SPAG16: variants seen among roughly 807,000 people sequenced by gnomAD.
The protein encoded by SPAG16 is sperm associated antigen 16.
SPAG16 carries 86 observed loss-of-function variants against 80.4 expected under a neutral mutation model. The observed-to-expected ratio is 1.07, with a 90% CI of 0.90 to 1.28. SPAG16 has a LOEUF of 1.28. SPAG16 is among the 50% of genes most tolerant of loss of function. The pLI is 0.00. For missense variants in SPAG16, 870 were observed against 765.3 expected (o/e 1.14, Z -1.61); for synonymous variants, 294 against 265.9 (o/e 1.11, Z -1.03).
At chr2:213,850,176 G>A (rs1388860006) in intron 10 of SPAG16, among the ~76,000 whole-genome samples, 1 of 152,112 alleles carries the variant, frequency 6.6e-6, no homozygotes, top group Non-Finnish European at 1.5e-5. Context: ...TGTGTGTTTT[G>A]AAATGGTATT....
intron 10 of SPAG16, among the ~76,000 whole-genome samples, chr2:213,792,575 T>C (rs958161121): frequency 7.7e-6 from 1 of 130,522 alleles, no homozygotes; most frequent in Admixed American, 8.4e-5. Context: ...AAAATGAGTA[T>C]CTTTTTTTTT....
At position 213,910,679 on chromosome 2, in the gene SPAG16, A is replaced by G. The variant is rs1330708054; in HGVS notation, c.1215-19281A>G. 3.7e-5 allele frequency among the ~76,000 whole-genome samples: 2 copies of G among 53,864 alleles called. 1 individual carries two copies. The highest frequency in any genetic ancestry group is 8.4e-5 in the African/African-American group (2 of 23,868). 35.3% of individuals were successfully genotyped at this position (53,864 alleles called of 152,430 possible). A position where few individuals can be genotyped will look rare whatever the true frequency, so the allele number is the denominator to read the frequency against. ...AATTTTTTGTAGTTTTAGTAGAGACAGGGTTTCACCGTGTTAGCCAGAATG... is the reference window on the plus strand; with the variant it reads ...AATTTTTTGTAGTTTTAGTAGAGACGGGGTTTCACCGTGTTAGCCAGAATG... On this transcript the variant is annotated intron_variant, in intron 11 of 15. Transcript: ENST00000331683.
At chr2:213,594,327 C>T (rs1013383089) in intron 10 of SPAG16, among the ~76,000 whole-genome samples, 2 of 152,110 alleles carry the variant, frequency 1.3e-5, no homozygotes, top group African/African-American at 4.8e-5. Flanking sequence ...CAGAGATACC[C>T]ATGACCTACA....
At chr2:213,456,707 T>A (rs905820541) in intron 9 of SPAG16, among the ~76,000 whole-genome samples, 3 of 152,156 alleles carry the variant, frequency 2.0e-5, no homozygotes, top group Admixed American at 6.5e-5. Context: ...GATCTGTTTC[T>A]CCAAATTCTT....
At chr2:213,975,891 G>C (rs117612935) in intron 12 of SPAG16, among the ~76,000 whole-genome samples, 1 of 151,728 alleles carries the variant, frequency 6.6e-6, no homozygotes, top group African/African-American at 2.4e-5. Context: ...GCTCGGCTGG[G>C]TGGTTCTGGT....
chr2:213,320,621 A>G (rs977025084), intron 5 of SPAG16, among the ~76,000 whole-genome samples: 8 of 151,966 alleles, frequency 5.3e-5, no homozygotes, highest in African/African-American at 1.9e-4. Flanking sequence ...TACCTCCATG[A>G]GATCAACTAT....
chr2:214,236,210 A>G (rs1689064781), intron 15 of SPAG16, among the ~76,000 whole-genome samples: 1 of 152,204 alleles, frequency 6.6e-6, no homozygotes, highest in Non-Finnish European at 1.5e-5. Context: ...TTACTGCTAC[A>G]TCTAGTGAGC....
intron 10 of SPAG16, among the ~76,000 whole-genome samples, chr2:213,834,757 C>T (rs1003124862): frequency 6.6e-6 from 1 of 152,088 alleles, no homozygotes; most frequent in African/African-American, 2.4e-5. Flanking sequence ...TTTGGGGTAT[C>T]ATTTTCTGAG....
chr2:213,416,776 A>G (rs1327156150), intron 9 of SPAG16, among the ~76,000 whole-genome samples: 2 of 152,186 alleles, frequency 1.3e-5, no homozygotes, highest in African/African-American at 2.4e-5. Context: ...TCAGGAAAAC[A>G]AAGTTCATTA....
At chr2:214,287,985 C>T (rs1693486033) in intron 15 of SPAG16, among the ~76,000 whole-genome samples, 1 of 152,166 alleles carries the variant, frequency 6.6e-6, no homozygotes, top group African/African-American at 2.4e-5. Flanking sequence ...TAACTATAAT[C>T]ACCCTACTGT....
chr2:213,932,178 A>G (rs1367823830), intron 12 of SPAG16, among the ~76,000 whole-genome samples: 1,049 of 23,566 alleles, frequency 0.045, 50 homozygotes, highest in African/African-American at 0.066. Flanking sequence ...ATATATATAT[A>G]TATATATATA....
chr2:214,233,508 G>C (rs377612070), intron 15 of SPAG16, among the ~76,000 whole-genome samples: 17 of 152,120 alleles, frequency 1.1e-4, no homozygotes, highest in African/African-American at 3.6e-4. Flanking sequence ...GACTGCCATA[G>C]AAGGTACATC....
intron 12 of SPAG16, among the ~76,000 whole-genome samples, chr2:213,997,458 C>T (rs1208379869): frequency 6.6e-6 from 1 of 152,252 alleles, no homozygotes; most frequent in African/African-American, 2.4e-5. Context: ...TGTATAAAGT[C>T]ATTTCTGACA....
chr2:213,440,264 T>C lies in SPAG16; in HGVS notation c.943-49699T>C, dbSNP rs1346562435. Among the ~76,000 whole-genome samples the C allele has an allele frequency of 2.6e-5, 4 of 152,056 alleles. No individual in the cohort carries two copies. In the South Asian group the frequency reaches 6.2e-4, roughly 24 times the overall value. On this transcript the variant is annotated intron_variant, in intron 9 of 15. Transcript: ENST00000331683. ...CAGAATAATACAGGAAAATAGACAA[T>C]GTAGGCTGGGTGCAGTGGCTCATGC...
intron 14 of SPAG16, among the ~76,000 whole-genome samples, chr2:214,120,694 A>G (rs949839148): frequency 6.6e-6 from 1 of 151,864 alleles, no homozygotes; most frequent in Non-Finnish European, 1.5e-5. Flanking sequence ...ACCGCTTCTC[A>G]ATCTACTGTG....
chr2:214,310,736 G>A (rs147491707), intron 15 of SPAG16, among the ~76,000 whole-genome samples: 1 of 152,272 alleles, frequency 6.6e-6, no homozygotes, highest in African/African-American at 2.4e-5. Flanking sequence ...CTTCAGTTCA[G>A]ATAGTCACTG....
chr2:213,904,273 A>G (rs1290240423), intron 11 of SPAG16, among the ~76,000 whole-genome samples: 1 of 152,192 alleles, frequency 6.6e-6, no homozygotes, highest in African/African-American at 2.4e-5. Context: ...GAGACTGGGA[A>G]GAAAAAGAGG....
At chr2:213,449,025 C>G (rs1164554183) in intron 9 of SPAG16, among the ~76,000 whole-genome samples, 1 of 152,154 alleles carries the variant, frequency 6.6e-6, no homozygotes, top group Non-Finnish European at 1.5e-5. Context: ...GAGATATCAT[C>G]AAATTCTTTT....
chr2:214,258,567 CA>C (rs1174493286), intron 15 of SPAG16, among the ~76,000 whole-genome samples: 1 of 150,956 alleles, frequency 6.6e-6, no homozygotes, highest in African/African-American at 2.4e-5. Context: ...CAACTAGTTT[CA>C]TATTTCTGCA....
Sources: gnomAD v4.1 joint callset for allele counts (sites outside exome capture counted in the v4.1 genomes callset) on GRCh38, gnomAD v4.1.1 for gene constraint, MANE v1.5 for transcripts, NCBI Gene and HGNC (gene_info 2026-07-23, HGNC 2026-07-21) for gene names.